SCAPER: variants seen among roughly 807,000 people sequenced by gnomAD.
SCAPER encodes the protein S-phase cyclin A associated protein in the ER.
Under a neutral mutation model 182.2 loss-of-function variants are expected in SCAPER, and 98 were observed. The observed-to-expected ratio is 0.54, with a 90% confidence interval of 0.46 to 0.64. The LOEUF (loss-of-function observed/expected upper bound fraction) is 0.64, where lower values mean the gene tolerates loss of function less well. SCAPER is among the 30% of genes least tolerant of loss of function. The pLI, the probability that SCAPER is intolerant of heterozygous loss-of-function variation, is 0.00. For synonymous variants in SCAPER, 605 were observed against 564.6 expected, an observed-to-expected ratio of 1.07 and a Z score of -1.01; for missense variants, 1,432 against 1,690.0, an observed-to-expected ratio of 0.85 and a Z score of 2.68.
intron 14 of SCAPER, among the ~76,000 whole-genome samples, chr15:76,757,978 G>A (rs751970183): frequency 9.2e-5 from 14 of 152,036 alleles, no homozygotes; most frequent in Non-Finnish European, 1.6e-4. Context: ...AGTTGTGTGA[G>A]TACTTCAAAT....
chr15:76,786,528 C>T (rs1004079109), intron 8 of SCAPER, among the ~76,000 whole-genome samples: 12 of 152,196 alleles, frequency 7.9e-5, no homozygotes, highest in African/African-American at 2.4e-4. Context: ...ATACCTACAG[C>T]TAACATAATA....
chr15:76,847,446 A>G (rs2070227081), intron 4 of SCAPER, among the ~76,000 whole-genome samples: 1 of 152,200 alleles, frequency 6.6e-6, no homozygotes, highest in East Asian at 1.9e-4. Context: ...ATATAATTTA[A>G]TTGTATAGTT....
At chr15:76,492,931 G>A (rs1408881927) in intron 24 of SCAPER, among the ~76,000 whole-genome samples, 1 of 150,762 alleles carries the variant, frequency 6.6e-6, no homozygotes, top group Non-Finnish European at 1.5e-5. Flanking sequence ...ATGAGTTGTG[G>A]ATGAAGAGGG....
chr15:76,865,063 G>A (rs1462818479), intron 2 of SCAPER, among the ~76,000 whole-genome samples: 4 of 152,004 alleles, frequency 2.6e-5, no homozygotes, highest in Non-Finnish European at 5.9e-5. Context: ...GATTATCACT[G>A]ATACAGAATT....
intron 3 of SCAPER, among the ~76,000 whole-genome samples, chr15:76,858,531 A>G (rs1313369806): frequency 2.6e-5 from 4 of 152,016 alleles, no homozygotes; most frequent in Non-Finnish European, 4.4e-5. Flanking sequence ...ATTACGTTTC[A>G]CAGGGGTTTG....
At chr15:76,703,106 C>T (rs2059052937) in intron 18 of SCAPER, 104 bp from the exon 19 acceptor site, 5 of 1,264,278 alleles carry the variant, frequency 4.0e-6, no homozygotes, top group South Asian at 1.6e-5. Context: ...AATAGAATGT[C>T]GTTTCTATGA....
At chr15:76,651,400 T>C (rs1275737898) in intron 21 of SCAPER, among the ~76,000 whole-genome samples, 4 of 151,758 alleles carry the variant, frequency 2.6e-5, no homozygotes, top group East Asian at 3.9e-4. Context: ...AAGCACAAGA[T>C]TGAATTATTT....
At position 76,665,733 on chromosome 15, in the gene SCAPER, T is replaced by C. The variant is rs540427401; in HGVS notation, c.2565A>G (p.Pro855=). 9.6e-6 allele frequency: 15 copies of C among 1,558,472 alleles called. No homozygotes were observed. The South Asian group carries it at 1.5e-4, about 16-fold the overall frequency. Residue 855 remains proline, a synonymous_variant, in exon 21 of 32, where the codon CCA becomes CCG. Transcript: ENST00000563290. ...IIDIVVESTA[P]AEALKDGEER... ...CTTCTCCATCTTTCAAAGCTTCTGC[T>C]GGAGCTGTACTTTCAACCACAATGT...
intron 27 of SCAPER, among the ~76,000 whole-genome samples, chr15:76,386,993 A>C (rs949576071): frequency 7.2e-5 from 11 of 152,248 alleles, no homozygotes; most frequent in African/African-American, 2.4e-4. Flanking sequence ...AGAAGCAGGA[A>C]GACCAACTAG....
At chr15:76,715,137 C>T (rs896964636) in intron 17 of SCAPER, among the ~76,000 whole-genome samples, 4 of 152,016 alleles carry the variant, frequency 2.6e-5, no homozygotes, top group Non-Finnish European at 5.9e-5. Context: ...GACCTCAGGC[C>T]TCTGGCACAC....
intron 4 of SCAPER, chr15:76,855,698 G>T (rs868284227): frequency 5.2e-6 from 1 of 193,718 alleles, no homozygotes; most frequent in African/African-American, 2.3e-5. Context: ...TCAGAGAAAC[G>T]CAAGTCAAAA....
At chr15:76,790,370 C>T (rs2064919637) in intron 8 of SCAPER, among the ~76,000 whole-genome samples, 1 of 152,074 alleles carries the variant, frequency 6.6e-6, no homozygotes, top group Admixed American at 6.5e-5. Flanking sequence ...ATAAGATTCA[C>T]GTTATTTTTA....
At chr15:76,529,114 G>A (rs2043426884) in intron 23 of SCAPER, among the ~76,000 whole-genome samples, 1 of 152,204 alleles carries the variant, frequency 6.6e-6, no homozygotes, top group Non-Finnish European at 1.5e-5. Flanking sequence ...CATGATCTCA[G>A]CTCACTGCAA....
chr15:76,800,479 AC>A (rs2065695696), intron 6 of SCAPER, 115 bp from the exon 7 acceptor site: 1 of 693,584 alleles, frequency 1.4e-6, no homozygotes, highest in Admixed American at 2.7e-5. Context: ...AACAACAACA[AC>A]AAAAAGTCAC....
At chr15:76,616,568 G>T (rs982107563) in intron 22 of SCAPER, among the ~76,000 whole-genome samples, 1 of 152,122 alleles carries the variant, frequency 6.6e-6, no homozygotes, top group East Asian at 1.9e-4. Flanking sequence ...ACAACAATAT[G>T]AATGTATTTA....
chr15:76,862,561 AG>A, intron 2 of SCAPER, 28 bp from the exon 3 acceptor site: 7 of 1,301,342 alleles, frequency 5.4e-6, no homozygotes, highest in Non-Finnish European at 7.6e-6. Context: ...GGTACTTATT[AG>A]ATTATTAGAT....
intron 26 of SCAPER, among the ~76,000 whole-genome samples, chr15:76,414,770 G>C (rs1163553669): frequency 6.6e-6 from 1 of 152,090 alleles, no homozygotes; most frequent in Non-Finnish European, 1.5e-5. Flanking sequence ...ATTAAATGGA[G>C]ACAGATCCAT....
At chr15:76,886,822 T>TA (rs2073866066) in intron 1 of SCAPER, among the ~76,000 whole-genome samples, 1 of 152,124 alleles carries the variant, frequency 6.6e-6, no homozygotes, top group African/African-American at 2.4e-5. Flanking sequence ...ATGCAGTCAT[T>TA]AAAAAGAATG....
chr15:76,780,857 T>G (rs994698667), intron 8 of SCAPER, among the ~76,000 whole-genome samples: 1 of 152,064 alleles, frequency 6.6e-6, no homozygotes, highest in Non-Finnish European at 1.5e-5. Context: ...AAAAAGGACA[T>G]CTACACCAAA....
Sources: allele counts gnomAD v4.1 joint callset (sites outside exome capture counted in the v4.1 genomes callset), GRCh38; gene constraint gnomAD v4.1.1; transcripts MANE v1.5; gene names NCBI Gene and HGNC (gene_info 2026-07-23, HGNC 2026-07-21).